Variants in CASKIN1 observed in about 807,000 individuals in gnomAD.
CASKIN1 encodes caskin-1.
Under a neutral mutation model 117.5 loss-of-function variants are expected in CASKIN1, and 42 were observed. That is an observed-to-expected ratio of 0.36 (90% confidence interval 0.28 to 0.46). The LOEUF (loss-of-function observed/expected upper bound fraction) is 0.46, where lower values mean the gene tolerates loss of function less well. Among genes scored for constraint, CASKIN1 ranks in the 20% least tolerant of loss-of-function variants. The pLI is 1.00. For synonymous variants in CASKIN1, 1,148 were observed against 961.7 expected (o/e 1.19, Z -3.59); for missense variants, 2,083 against 2,077.3 (o/e 1.00, Z -0.05).
Position 2,177,967 on chromosome 16 carries a change from G to A in CASKIN1, c.*583C>T. Reference sequence around the variant, plus strand: ...ACAGCCTGGGCCTCTAACAGCTTTTGTCCGGAGCTAGACTTCGTGTCCTTT... The same window carrying A: ...ACAGCCTGGGCCTCTAACAGCTTTTATCCGGAGCTAGACTTCGTGTCCTTT... On this transcript the variant is annotated 3_prime_UTR_variant, in exon 20 of 20. Coordinates refer to ENST00000343516, the MANE Select transcript of CASKIN1 (RefSeq NM_020764.4). 2.7e-6 allele frequency: 1 copy of A among 371,746 alleles called. No individual in the cohort carries two copies. The highest frequency in any genetic ancestry group is 5.1e-6 in the Non-Finnish European group (1 of 197,944). 23.0% of individuals were successfully genotyped at this position (371,746 alleles called of 1,614,324 possible).
chr16:2,189,983 A>G (rs889618261), intron 3 of CASKIN1, 90 bp downstream of exon 3: 4 of 1,222,170 alleles, frequency 3.3e-6, no homozygotes, highest in Non-Finnish European at 4.7e-6. Flanking sequence ...CCCTGGGCTG[A>G]GACCTCAGCC....
chr16:2,178,455 G>A lies in CASKIN1; in HGVS notation c.*95C>T, dbSNP rs1273940068. The A allele has an allele frequency of 5.0e-6, 5 of 997,294 alleles. No homozygotes were observed. The Admixed American group carries it at 1.8e-4, about 36-fold the overall frequency. The allele number at this position is 997,294 out of a possible 1,614,324, so 61.8% of individuals were successfully genotyped here. ...TTGTGCTTCTGCAGGGCCCTGCCCG[G>A]CCGCTCGCGCCGCGCCCAGACGCGC... On this transcript the variant is annotated 3_prime_UTR_variant, in exon 20 of 20. Transcript: ENST00000343516.
At chr16:2,181,665 G>A in intron 17 of CASKIN1, 66 bp from the exon 18 acceptor site, 1 of 1,468,100 alleles carries the variant, frequency 6.8e-7, no homozygotes. Flanking sequence ...CGGGCTAGGG[G>A]CGGGGCTGGG....
chr16:2,184,197 G>C (rs943796077), intron 14 of CASKIN1, among the ~76,000 whole-genome samples: 1 of 151,884 alleles, frequency 6.6e-6, no homozygotes, highest in Non-Finnish European at 1.5e-5. Context: ...GGGCGGGGGG[G>C]CTGCTACTGT....
At position 2,181,153 on chromosome 16, in the gene CASKIN1, G is replaced by A. The variant is rs754235888; in HGVS notation, c.2215C>T (p.Pro739Ser). The part of the protein sequence containing the change: ...LDEGPAPGTP[P>S]REARPGRHGH... Reference sequence around the variant, plus strand: ...TGGCGGCCGGGCCGGGCCTCCCTGGGCGGGGTGCCGGGGGCGGGGCCCTCA... The same window carrying A: ...TGGCGGCCGGGCCGGGCCTCCCTGGACGGGGTGCCGGGGGCGGGGCCCTCA... Residue 739 changes from proline to serine, a missense_variant, in exon 18 of 20, where the codon CCC (proline) becomes TCC (serine). By Grantham distance (74) the Pro-to-Ser change is moderately conservative (BLOSUM62 -1). Coordinates refer to ENST00000343516, the MANE Select transcript of CASKIN1 (RefSeq NM_020764.4). 2.9e-4 allele frequency: 431 copies of A among 1,493,546 alleles called. No individual in the cohort carries two copies. Among genetic ancestry groups the A allele is most frequent in the Middle Eastern group, 8.0e-4 (4 of 4,970 alleles). 92.5% of individuals were successfully genotyped at this position (1,493,546 alleles called of 1,614,324 possible). A position where few individuals can be genotyped will look rare whatever the true frequency, so the allele number is the denominator to read the frequency against.
Position 2,179,177 on chromosome 16 carries a change from G to T in CASKIN1, c.3924C>A (p.Pro1308=). 9.0e-7 allele frequency: 1 copy of T among 1,117,194 alleles called. No homozygotes were observed. The highest frequency in any genetic ancestry group is 1.1e-6 in the Non-Finnish European group (1 of 914,578). The allele number at this position is 1,117,194 out of a possible 1,614,324, so 69.2% of individuals were successfully genotyped here. ...SPAPSPARQP[P]AALAKPPGTP... ...TACCGGGCGGCTTGGCGAGGGCGGC[G>T]GGCGGCTGTCGCGCGGGCGAGGGTG... Residue 1308 remains proline, a synonymous_variant, in exon 19 of 20, where the codon CCC becomes CCA. Coordinates refer to ENST00000343516, the MANE Select transcript of CASKIN1 (RefSeq NM_020764.4). This position sits in a 1 kb window ranked among gnomAD's most constrained non-coding sequence, Gnocchi z 5.8.
rs552170346 is a variant in CASKIN1, at chr16:2,180,928, T to G, written c.2440A>C (p.Thr814Pro). Residue 814 changes from threonine (T) to proline (P), a missense_variant, in exon 18 of 20, where the codon ACA (threonine) becomes CCA (proline). Physicochemically the swap from Thr to Pro is conservative, Grantham distance 38. Coordinates refer to ENST00000343516, the MANE Select transcript of CASKIN1 (RefSeq NM_020764.4). ...GAGCGGGGTGACATGGGGCGCTCTG[T>G]CGGCGGCAGCAGCTGCGGGGTGGGC... ...VKPTPQLLPP[T>P]ERPMSPRSLP... 35 of 1,460,892 alleles carry G rather than the reference T, an allele frequency of 2.4e-5. No homozygotes were observed. The South Asian group carries it at 4.9e-4, about 20-fold the overall frequency. The allele number at this position is 1,460,892 out of a possible 1,614,324, so 90.5% of individuals were successfully genotyped here. A position where few individuals can be genotyped will look rare whatever the true frequency, so the allele number is the denominator to read the frequency against.
intron 9 of CASKIN1, 74 bp downstream of exon 9, chr16:2,186,904 G>A: frequency 1.2e-6 from 2 of 1,601,932 alleles, no homozygotes; most frequent in Admixed American, 1.7e-5. Flanking sequence ...AGTTGCGGCG[G>A]GAGGGTGTTC....
chr16:2,196,301 C>T lies in CASKIN1; in HGVS notation c.94+38G>A, dbSNP rs1326526660. ...GGGCTCCGCGCCGGGGAGGGGCCCCCGGGGCTCCCACCCGCGCCCCGCGCC... is the reference window on the plus strand; with the variant it reads ...GGGCTCCGCGCCGGGGAGGGGCCCCTGGGGCTCCCACCCGCGCCCCGCGCC... On this transcript the variant is annotated intron_variant, in intron 1 of 19. Coordinates refer to ENST00000343516, the MANE Select transcript of CASKIN1 (RefSeq NM_020764.4). The surrounding 1 kb of genome is among the most constrained non-coding windows in gnomAD (Gnocchi z 5.7). The T allele has an allele frequency of 3.3e-5, 34 of 1,040,138 alleles. No homozygotes were observed. The highest frequency in any genetic ancestry group is 1.2e-4 in the South Asian group (3 of 24,356). The allele number at this position is 1,040,138 out of a possible 1,614,324, so 64.4% of individuals were successfully genotyped here. A position where few individuals can be genotyped will look rare whatever the true frequency, so the allele number is the denominator to read the frequency against.
In CASKIN1 at chr16:2,187,212, C is replaced by T; in HGVS notation, c.789G>A (p.Gln263=). 1 of 1,614,082 alleles carries T rather than the reference C, an allele frequency of 6.2e-7. No homozygotes were observed. The highest frequency in any genetic ancestry group is 8.5e-7 in the Non-Finnish European group (1 of 1,179,986). ...CCCTGCTGGCCTGGGACGTGGTGAA[C>T]TGGTGCACGATGTCCAGGGCTGTCT... ...YSQTALDIVH[Q]FTTSQASREI... is the part of the protein sequence containing the mutation. The change falls in exon 8 of 20, where the codon CAG becomes CAA. Residue 263 remains glutamine, a synonymous_variant. Coordinates refer to ENST00000343516, the MANE Select transcript of CASKIN1 (RefSeq NM_020764.4).
rs1446963946 is a variant in CASKIN1 at position 2,180,182 on chromosome 16, C to G, written c.3186G>C (p.Arg1062=). The G allele has an allele frequency of 3.9e-6, 6 of 1,550,346 alleles. No individual in the cohort carries two copies. In the South Asian group the frequency reaches 5.9e-5, roughly 15 times the overall value. The change falls in exon 18 of 20, where the codon CGG becomes CGC. Residue 1062 remains arginine (R), a synonymous_variant. Transcript: ENST00000343516. ...TGACTGGCCCGCTGAGCGTGCGGCG[C>G]CGGTTCACCACCTCCCCGCCAGGCC... ...AIGPGGEVVN[R]RRTLSGPVTG...
In CASKIN1 at chr16:2,179,798, C is replaced by T. The variant is rs756359757; in HGVS notation, c.3570G>A (p.Glu1190=). Residue 1190 remains glutamate (E), a synonymous_variant, in exon 18 of 20, where the codon GAG becomes GAA. Transcript: ENST00000343516. The surrounding 1 kb of genome is among the most constrained non-coding windows in gnomAD (Gnocchi z 5.8). ...RPASEQAGPP[E]LPPPPPPAEP... ...CGGCAGGCGGGGGCGGTGGAGGCAG[C>T]TCCGGAGGCCCAGCCTGCTCCGAGG... 6.3e-7 allele frequency: 1 copy of T among 1,575,716 alleles called. No individual in the cohort carries two copies. Among genetic ancestry groups the T allele is most frequent in the Non-Finnish European group, 8.6e-7 (1 of 1,164,368 alleles).
chr16:2,187,502 G>A (rs1452155111), intron 6 of CASKIN1, 41 bp from the exon 7 acceptor site: 7 of 1,548,204 alleles, frequency 4.5e-6, no homozygotes, highest in Non-Finnish European at 6.2e-6. Context: ...CCTTCCAGCA[G>A]GAGGCCGGCC....
chr16:2,178,697 G>A (rs35051765), intron 19 of CASKIN1, 51 bp from the exon 20 acceptor site: 2 of 1,496,780 alleles, frequency 1.3e-6, no homozygotes, highest in African/African-American at 2.9e-5. Flanking sequence ...GTCTGGCCAC[G>A]CCCACCCCGA....
At chr16:2,185,636 T>C (rs2093181923) in intron 10 of CASKIN1, among the ~76,000 whole-genome samples, 3 of 152,232 alleles carry the variant, frequency 2.0e-5, no homozygotes, top group Non-Finnish European at 2.9e-5. Context: ...CCTGGGGTCC[T>C]GTGGGCAGGG....
chr16:2,179,954 G>T lies in CASKIN1; in HGVS notation c.3414C>A (p.Val1138=). The part of the protein sequence containing the change: ...IRAKQNQQEN[V]KFILTESDTV... Reference sequence around the variant, plus strand: ...TGTCAGACTCGGTCAGGATGAACTTGACGTTCTCCTGCTGGTTCTGCTTGG... The same window carrying T: ...TGTCAGACTCGGTCAGGATGAACTTTACGTTCTCCTGCTGGTTCTGCTTGG... The change falls in exon 18 of 20, where the codon GTC becomes GTA. Residue 1138 remains valine, a synonymous_variant. Transcript: ENST00000343516. The surrounding 1 kb of genome is among the most constrained non-coding windows in gnomAD (Gnocchi z 5.8). 1 of 1,606,832 alleles carries T rather than the reference G, an allele frequency of 6.2e-7. No homozygotes were observed.
chr16:2,189,348 C>T lies in CASKIN1; in HGVS notation c.391-15G>A, dbSNP rs754785901. The T allele has an allele frequency of 2.7e-5, 44 of 1,612,486 alleles. No homozygotes were observed. Among genetic ancestry groups the T allele is most frequent in the South Asian group, 8.8e-5 (8 of 91,060 alleles). ...AGCATCTCAGACTGGGGGCCAAGGG[C>T]GCAGTCAGGTCCGCACATCCTCAGG... On this transcript the variant is annotated splice_polypyrimidine_tract_variant and intron_variant, in intron 4 of 19. Coordinates refer to ENST00000343516, the MANE Select transcript of CASKIN1 (RefSeq NM_020764.4).
Position 2,185,375 on chromosome 16 carries a change from T to A in CASKIN1, c.1082A>T (p.Gln361Leu). Residue 361 changes from glutamine (Q) to leucine (L), a missense_variant, in exon 11 of 20, where the codon CAG (glutamine) becomes CTG (leucine). Gln to Leu is a moderately radical substitution (Grantham distance 113). Around this residue, in one of 3 missense-constraint regions of CASKIN1, gnomAD observed 1,818 missense variants for 1,688.9 expected, o/e 1.08. Transcript: ENST00000343516. ...SRAGTEPSLP[Q>L]GSSSSGPSAP... is the part of the protein sequence containing the mutation. ...AGAGGGTCCCGATGAGCTGCTTCCC[T>A]GGGGCAGGCTTGGTTCAGTGCCTGC... 1.2e-6 allele frequency: 2 copies of A among 1,611,364 alleles called. No individual in the cohort carries two copies. The highest frequency in any genetic ancestry group is 1.7e-6 in the Non-Finnish European group (2 of 1,178,682).
In CASKIN1 at chr16:2,180,948, G is replaced by C; in HGVS notation, c.2420C>G (p.Thr807Ser). 2 of 1,465,406 alleles carry C rather than the reference G, an allele frequency of 1.4e-6. No individual in the cohort carries two copies. The highest frequency in any genetic ancestry group is 1.8e-6 in the Non-Finnish European group (2 of 1,114,278). 90.8% of individuals were successfully genotyped at this position (1,465,406 alleles called of 1,614,324 possible). Residue 807 changes from threonine (T) to serine (S), a missense_variant, in exon 18 of 20, where the codon ACC becomes AGC. By Grantham distance (58) the Thr-to-Ser change is moderately conservative. This residue lies in a region of CASKIN1 where 1,818 missense variants were observed against 1,688.9 expected (regional missense o/e 1.08). Coordinates refer to ENST00000343516, the MANE Select transcript of CASKIN1 (RefSeq NM_020764.4). The part of the protein sequence containing the change: ...PAPATAKVKP[T>S]PQLLPPTERP... Reference sequence around the variant, plus strand: ...CTCTGTCGGCGGCAGCAGCTGCGGGGTGGGCTTCACCTTGGCCGTAGCTGG... The same window carrying C: ...CTCTGTCGGCGGCAGCAGCTGCGGGCTGGGCTTCACCTTGGCCGTAGCTGG...
Sources: gnomAD v4.1 joint callset for allele counts (sites outside exome capture counted in the v4.1 genomes callset) on GRCh38, gnomAD v4.1.1 for gene constraint, gnomAD v4.1.1 regional missense constraint, Gnocchi (gnomAD v3.1) non-coding constraint, MANE v1.5 for transcripts, NCBI Gene and HGNC (gene_info 2026-07-23, HGNC 2026-07-21) for gene names.